Variants in TCF4 observed in about 807,000 individuals in gnomAD.
TCF4 encodes the protein transcription factor 4, also known as SL3-3 enhancer factor 2.
TCF4 carries 3 observed loss-of-function variants against 82.1 expected under a neutral mutation model. That is an observed-to-expected ratio of 0.04 (90% CI 0.02 to 0.09). The LOEUF is 0.09. TCF4 is among the 10% of genes least tolerant of loss of function. TCF4 has a pLI of 1.00. For missense variants in TCF4, 518 were observed against 852.7 expected, an observed-to-expected ratio of 0.61 and a Z score of 4.89; for synonymous variants, 276 against 309.6, an observed-to-expected ratio of 0.89 and a Z score of 1.14.
chr18:55,305,896 G>A (rs2070149657), intron 8 of TCF4, among the ~76,000 whole-genome samples: 1 of 152,122 alleles, frequency 6.6e-6, no homozygotes, highest in Non-Finnish European at 1.5e-5. Flanking sequence ...GAAGTAGTGT[G>A]TCACTCCCAC....
At chr18:55,620,219 A>G (rs2097716299) in intron 2 of TCF4, among the ~76,000 whole-genome samples, 1 of 152,106 alleles carries the variant, frequency 6.6e-6, no homozygotes, top group Admixed American at 6.6e-5. Flanking sequence ...TCTTTCCTTT[A>G]TAAGTCACCC....
intron 8 of TCF4, among the ~76,000 whole-genome samples, chr18:55,323,105 C>CA (rs1490334708): frequency 2.0e-5 from 3 of 151,676 alleles, no homozygotes; most frequent in Non-Finnish European, 4.4e-5. Flanking sequence ...AATATTATAC[C>CA]AATCAACAAA....
intron 2 of TCF4, among the ~76,000 whole-genome samples, chr18:55,618,584 TTTTG>T (rs1263273048): frequency 6.6e-6 from 1 of 152,018 alleles, no homozygotes; most frequent in Non-Finnish European, 1.5e-5. Flanking sequence ...TCTCTTTTTT[TTTTG>T]TTTGTTTTTT....
At chr18:55,375,970 A>G (rs2090620745) in intron 6 of TCF4, among the ~76,000 whole-genome samples, 2 of 148,936 alleles carry the variant, frequency 1.3e-5, no homozygotes, top group South Asian at 4.3e-4. Flanking sequence ...CAAGTGTCTG[A>G]TATTTTAAGA....
At chr18:55,348,973 C>G (rs2081778475) in intron 8 of TCF4, among the ~76,000 whole-genome samples, 1 of 152,048 alleles carries the variant, frequency 6.6e-6, no homozygotes, top group South Asian at 2.1e-4. Flanking sequence ...CTATTAAAAG[C>G]TAAAGTTTCA....
rs974002773 is a variant in TCF4 at position 55,633,764 on chromosome 18, A to C, written c.195+1939T>G. Among the ~76,000 whole-genome samples, 1 of 152,106 alleles carries C rather than the reference A, an allele frequency of 6.6e-6. No individual in the cohort carries two copies. The highest frequency in any genetic ancestry group is 2.4e-5 in the African/African-American group (1 of 41,400). Reference sequence around the variant, plus strand: ...CATACTTAATGACAATACTTAAATGAATAGGTATGTCTCGGTTAAGCCCAA... The same window carrying C: ...CATACTTAATGACAATACTTAAATGCATAGGTATGTCTCGGTTAAGCCCAA... On this transcript the variant is annotated intron_variant, in intron 1 of 20. Transcript: ENST00000398339. The surrounding 1 kb of genome is among the most constrained non-coding windows in gnomAD (Gnocchi z 4.0).
chr18:55,260,163 C>CCA, intron 12 of TCF4, 136 bp from the exon 13 acceptor site: 1 of 695,894 alleles, frequency 1.4e-6, no homozygotes, highest in East Asian at 2.6e-5. Flanking sequence ...AACTACAGTA[C>CCA]CAAAATTGTC....
At chr18:55,422,730 C>T (rs934097487) in intron 5 of TCF4, among the ~76,000 whole-genome samples, 3 of 151,918 alleles carry the variant, frequency 2.0e-5, no homozygotes, top group African/African-American at 4.8e-5. Flanking sequence ...CTCCTGACTG[C>T]GACATGAATT....
intron 2 of TCF4, among the ~76,000 whole-genome samples, chr18:55,608,700 A>C (rs1258048537): frequency 6.6e-6 from 1 of 152,172 alleles, no homozygotes; most frequent in Non-Finnish European, 1.5e-5. Flanking sequence ...TATCCTTTTG[A>C]ATATAAGCTC....
intron 3 of TCF4, among the ~76,000 whole-genome samples, chr18:55,509,091 A>T (rs914250433): frequency 2.6e-5 from 4 of 152,184 alleles, no homozygotes; most frequent in African/African-American, 7.2e-5. Flanking sequence ...ACTAAAAATC[A>T]GATTAATTGG....
At chr18:55,345,624 C>A (rs1415392570) in intron 8 of TCF4, among the ~76,000 whole-genome samples, 1 of 152,110 alleles carries the variant, frequency 6.6e-6, no homozygotes, top group Non-Finnish European at 1.5e-5. Flanking sequence ...ATTTTAAACA[C>A]TTAACAATTA....
At chr18:55,468,217 G>A (rs2096074157) in intron 3 of TCF4, among the ~76,000 whole-genome samples, 1 of 152,206 alleles carries the variant, frequency 6.6e-6, no homozygotes, top group South Asian at 2.1e-4. Context: ...AAAAGTAGCA[G>A]AACAGTAAGG....
chr18:55,301,539 A>G (rs1264532659), intron 8 of TCF4, among the ~76,000 whole-genome samples: 1 of 152,152 alleles, frequency 6.6e-6, no homozygotes, highest in Non-Finnish European at 1.5e-5. Flanking sequence ...TTCTGAACAA[A>G]CAACTAACTT....
At chr18:55,294,202 G>A (rs1336250384) in intron 8 of TCF4, among the ~76,000 whole-genome samples, 2 of 151,438 alleles carry the variant, frequency 1.3e-5, no homozygotes, top group African/African-American at 4.9e-5. Flanking sequence ...GGAGGTTGCA[G>A]TGAGCCGTGA....
intron 9 of TCF4, among the ~76,000 whole-genome samples, chr18:55,277,540 TGAAA>T (rs771178597): frequency 9.2e-5 from 14 of 152,246 alleles, no homozygotes; most frequent in East Asian, 1.9e-4. Context: ...AATGTTCTTT[TGAAA>T]GAAAGAATAG....
intron 5 of TCF4, among the ~76,000 whole-genome samples, chr18:55,415,969 C>T (rs2094512324): frequency 6.6e-6 from 1 of 152,114 alleles, no homozygotes; most frequent in Non-Finnish European, 1.5e-5. Flanking sequence ...AAATATGTAG[C>T]ATTTAAAGAA....
At position 55,322,394 on chromosome 18, in the gene TCF4, C is replaced by T. The variant is rs1245447947; in HGVS notation, c.549+27965G>A. 13 of 938,272 alleles carry T rather than the reference C, an allele frequency of 1.4e-5. No individual in the cohort carries two copies. The African/African-American group carries it at 2.4e-4, about 18-fold the overall frequency. 58.1% of individuals were successfully genotyped at this position (938,272 alleles called of 1,614,324 possible). On this transcript the variant is annotated intron_variant, in intron 8 of 19. Coordinates refer to ENST00000354452, the MANE Select transcript of TCF4 (RefSeq NM_001083962.2). Reference sequence around the variant, plus strand: ...TGTACGCAGCTGCCTGAGAACTCGACTCGGAGAAAGGGGAGGGAAAGGGGA... The same window carrying T: ...TGTACGCAGCTGCCTGAGAACTCGATTCGGAGAAAGGGGAGGGAAAGGGGA...
intron 3 of TCF4, among the ~76,000 whole-genome samples, chr18:55,561,633 T>C (rs1210842090): frequency 6.6e-6 from 1 of 152,230 alleles, no homozygotes; most frequent in Non-Finnish European, 1.5e-5. Context: ...TAAAATGTAT[T>C]TCACATACAT....
intron 3 of TCF4, among the ~76,000 whole-genome samples, chr18:55,498,280 G>A (rs2096659611): frequency 6.6e-6 from 1 of 152,174 alleles, no homozygotes; most frequent in African/African-American, 2.4e-5. Context: ...TTCTGCAAGC[G>A]ATGGCCCTCG....
Sources: gnomAD v4.1 joint callset for allele counts (sites outside exome capture counted in the v4.1 genomes callset) on GRCh38, gnomAD v4.1.1 for gene constraint, Gnocchi (gnomAD v3.1) non-coding constraint, MANE v1.5 for transcripts, NCBI Gene and HGNC (gene_info 2026-07-23, HGNC 2026-07-21) for gene names.